The following KCNIP4 variants were observed in gnomAD, a reference collection of about 807,000 sequenced individuals.
KCNIP4 encodes the protein Kv channel-interacting protein 4.
KCNIP4 carries 12 observed loss-of-function variants against 34.0 expected under a neutral mutation model. The observed-to-expected ratio is 0.35, with a 90% confidence interval of 0.23 to 0.57. The LOEUF (loss-of-function observed/expected upper bound fraction) is 0.57, where lower values mean the gene tolerates loss of function less well. Ranked by LOEUF, KCNIP4 falls within the 20% of genes least tolerant of loss-of-function variation. KCNIP4 has a pLI of 0.83. For missense variants in KCNIP4, 238 were observed against 311.7 expected (o/e 0.76, Z 1.78); for synonymous variants, 124 against 102.2 (o/e 1.21, Z -1.29).
intron 1 of KCNIP4, among the ~76,000 whole-genome samples, chr4:21,119,720 A>G (rs1345647822): frequency 1.4e-5 from 2 of 147,458 alleles, no homozygotes; most frequent in African/African-American, 4.9e-5. Flanking sequence ...TATTAGTAAG[A>G]CAGTTTTTTT....
At chr4:21,396,109 T>G (rs1353517314) in intron 1 of KCNIP4, among the ~76,000 whole-genome samples, 5 of 151,194 alleles carry the variant, frequency 3.3e-5, no homozygotes, top group Admixed American at 1.3e-4. Flanking sequence ...CTCCTATATA[T>G]AGTCTATATA....
At chr4:21,116,932 A>G (rs978663585) in intron 1 of KCNIP4, among the ~76,000 whole-genome samples, 2 of 152,184 alleles carry the variant, frequency 1.3e-5, no homozygotes, top group African/African-American at 2.4e-5. Context: ...CTCTATCCCC[A>G]CAGGGCTTAG....
At chr4:21,765,690 T>C (rs1335590549) in intron 1 of KCNIP4, among the ~76,000 whole-genome samples, 1 of 151,664 alleles carries the variant, frequency 6.6e-6, no homozygotes, top group Non-Finnish European at 1.5e-5. Flanking sequence ...GGTCTTGACC[T>C]CCTGACCTCA....
rs186402643 is a variant in KCNIP4, at chr4:21,734,021, A to G, written c.61+214550T>C. On this transcript the variant is annotated intron_variant, in intron 1 of 8. Transcript: ENST00000382152. The stretch of plus-strand genomic sequence containing the variant: ...TAATAAGTGTCAGACACTATCAGAG[A>G]CTGGGGCTGTGACATGCTGCAGGAC... 2.1e-4 allele frequency among the ~76,000 whole-genome samples: 32 copies of G among 152,278 alleles called. No homozygotes were observed. In the East Asian group the frequency reaches 2.5e-3, roughly 12 times the overall value.
intron 1 of KCNIP4, among the ~76,000 whole-genome samples, chr4:21,140,983 C>T (rs1045635419): frequency 2.0e-5 from 3 of 152,210 alleles, no homozygotes; most frequent in African/African-American, 4.8e-5. Flanking sequence ...AACTTGTACA[C>T]ACAGGCATAA....
chr4:20,897,077 G>A (rs1726624138), intron 1 of KCNIP4, among the ~76,000 whole-genome samples: 1 of 152,056 alleles, frequency 6.6e-6, no homozygotes, highest in African/African-American at 2.4e-5. Context: ...ATCAGTTGAG[G>A]CTGAGCATTC....
At chr4:21,809,908 C>T (rs1339439185) in intron 1 of KCNIP4, among the ~76,000 whole-genome samples, 1 of 152,102 alleles carries the variant, frequency 6.6e-6, no homozygotes, top group Non-Finnish European at 1.5e-5. Flanking sequence ...GAACTGACAT[C>T]CTAGAAAGAA....
At chr4:21,869,614 T>C (rs2109363432) in intron 1 of KCNIP4, among the ~76,000 whole-genome samples, 1 of 152,230 alleles carries the variant, frequency 6.6e-6, no homozygotes, top group South Asian at 2.1e-4. Flanking sequence ...TGCAAAACAA[T>C]TCTTTTCGTT....
chr4:21,003,320 AC>A (rs765765494), intron 1 of KCNIP4, among the ~76,000 whole-genome samples: 1 of 152,166 alleles, frequency 6.6e-6, no homozygotes, highest in Admixed American at 6.5e-5. Flanking sequence ...ACAAAACAAC[AC>A]AATCCATAAG....
chr4:21,560,412 T>C (rs559979797), intron 1 of KCNIP4, among the ~76,000 whole-genome samples: 1 of 152,258 alleles, frequency 6.6e-6, no homozygotes, highest in South Asian at 2.1e-4. Context: ...GTGCCTATTA[T>C]AGATCAAAGT....
chr4:21,914,032 T>G (rs1459548538), intron 1 of KCNIP4, among the ~76,000 whole-genome samples: 1 of 152,064 alleles, frequency 6.6e-6, no homozygotes, highest in Non-Finnish European at 1.5e-5. Flanking sequence ...AAGACAAGAC[T>G]AGAGCCAGCA....
In KCNIP4 at chr4:21,589,348, ATG is replaced by A. The variant is rs1741980734; in HGVS notation, c.61+359221_61+359222del. ...TACACGTGTATATATATACATGTGT[ATG>A]TATATATGTACATATATATATACAT... On this transcript the variant is annotated intron_variant, in intron 1 of 8. Coordinates refer to ENST00000382152, the MANE Select transcript of KCNIP4 (RefSeq NM_025221.6). Among the ~76,000 whole-genome samples, 6 of 148,466 alleles carry A rather than the reference ATG, an allele frequency of 4.0e-5. No individual in the cohort carries two copies. The South Asian group carries it at 1.1e-3, about 26-fold the overall frequency.
chr4:20,944,227 A>G (rs1052915769), intron 1 of KCNIP4, among the ~76,000 whole-genome samples: 8 of 152,212 alleles, frequency 5.3e-5, no homozygotes, highest in African/African-American at 1.9e-4. Flanking sequence ...TGCCCCTGAA[A>G]GGGAATCTCT....
chr4:21,578,368 C>T (rs865799547), intron 1 of KCNIP4, among the ~76,000 whole-genome samples: 124 of 139,256 alleles, frequency 8.9e-4, no homozygotes, highest in African/African-American at 3.1e-3. Flanking sequence ...AGAGTTCATG[C>T]TAGCTAAATG....
In KCNIP4 at chr4:21,522,743, G is replaced by A. The variant is rs145829297; in HGVS notation, c.61+425828C>T. On this transcript the variant is annotated intron_variant, in intron 1 of 8. Coordinates refer to ENST00000382152, the MANE Select transcript of KCNIP4 (RefSeq NM_025221.6). ...TCTCCATTCCTCTAATGTTAAAAGC[G>A]TTATCTGTAAAGTGAGGATGAAAAA... Among the ~76,000 whole-genome samples the A allele has an allele frequency of 1.9e-3, 288 of 151,334 alleles. 1 individual carries two copies. The highest frequency in any genetic ancestry group is 4.3e-3 in the East Asian group (22 of 5,126).
intron 1 of KCNIP4, among the ~76,000 whole-genome samples, chr4:21,796,739 T>A (rs1239982372): frequency 2.0e-5 from 3 of 152,224 alleles, no homozygotes; most frequent in African/African-American, 7.2e-5. Flanking sequence ...ATTTTTTAAG[T>A]CTGAATAATA....
At chr4:20,826,100 T>C (rs1306639267) in intron 3 of KCNIP4, among the ~76,000 whole-genome samples, 1 of 151,844 alleles carries the variant, frequency 6.6e-6, no homozygotes, top group Non-Finnish European at 1.5e-5. Context: ...TAGGTAAAGA[T>C]GTGGAAATTG....
intron 1 of KCNIP4, among the ~76,000 whole-genome samples, chr4:20,922,121 G>A (rs937748388): frequency 1.3e-5 from 2 of 152,134 alleles, no homozygotes; most frequent in African/African-American, 2.4e-5. Context: ...ACCAGTTTTA[G>A]GACCTTGGTT....
chr4:20,976,311 C>T (rs1735485602), intron 1 of KCNIP4, among the ~76,000 whole-genome samples: 1 of 152,192 alleles, frequency 6.6e-6, no homozygotes, highest in Non-Finnish European at 1.5e-5. Flanking sequence ...CTAGGTGATT[C>T]TGAAGCATTC....
Sources: gnomAD v4.1 joint callset for allele counts (sites outside exome capture counted in the v4.1 genomes callset) on GRCh38, gnomAD v4.1.1 for gene constraint, MANE v1.5 for transcripts, NCBI Gene and HGNC (gene_info 2026-07-23, HGNC 2026-07-21) for gene names.